NBEA: variants seen among roughly 807,000 people sequenced by gnomAD.
NBEA encodes neurobeachin, also known as lysosomal-trafficking regulator 2.
A neutral mutation model predicts 343.4 loss-of-function variants in NBEA; 44 were observed. The observed-to-expected ratio is 0.13, with a 90% CI of 0.10 to 0.16. NBEA has a LOEUF of 0.16. NBEA is among the 10% of genes least tolerant of loss of function. The pLI is 1.00. For missense variants in NBEA, 2,555 were observed against 3,631.3 expected, an observed-to-expected ratio of 0.70 and a Z score of 7.62; for synonymous variants, 1,175 against 1,238.7, an observed-to-expected ratio of 0.95 and a Z score of 1.08.
chr13:35,574,396 C>CA (rs2080618880), intron 45 of NBEA, among the ~76,000 whole-genome samples: 1 of 135,134 alleles, frequency 7.4e-6, no homozygotes, highest in African/African-American at 2.8e-5. Flanking sequence ...AAAAGAAAAA[C>CA]AAAAGAAAAA....
At position 35,312,868 on chromosome 13, in the gene NBEA, A is replaced by C. The variant is rs376118567; in HGVS notation, c.5903+3276A>C. 1.2e-4 allele frequency among the ~76,000 whole-genome samples: 18 copies of C among 152,262 alleles called. No homozygotes were observed. The East Asian group carries it at 2.5e-3, about 21-fold the overall frequency. ...TACAGAAAGCGAGGTTTGAGTTGAG[A>C]GTTTTTCACTTTTGGGTTACACTGA... On this transcript the variant is annotated intron_variant, in intron 36 of 58. Coordinates refer to ENST00000379939, the MANE Select transcript of NBEA (RefSeq NM_001385012.1).
chr13:35,218,891 A>G (rs577534936), intron 33 of NBEA, among the ~76,000 whole-genome samples: 32 of 152,124 alleles, frequency 2.1e-4, no homozygotes, highest in African/African-American at 7.0e-4. Flanking sequence ...GAAAGCTTCT[A>G]TAAGATTATT....
chr13:35,475,973 G>C (rs769449621), intron 41 of NBEA: 2 of 1,614,214 alleles, frequency 1.2e-6, no homozygotes, highest in Non-Finnish European at 1.7e-6. Flanking sequence ...ATCTCGTTGA[G>C]AGAGCTGATG....
At chr13:35,653,284 T>G (rs1370060728) in intron 53 of NBEA, among the ~76,000 whole-genome samples, 2 of 150,940 alleles carry the variant, frequency 1.3e-5, no homozygotes, top group Non-Finnish European at 2.9e-5. Context: ...CTACGAAAAA[T>G]TATTAAGCTA....
chr13:35,057,548 C>T (rs1240052380), intron 7 of NBEA, among the ~76,000 whole-genome samples: 1 of 152,134 alleles, frequency 6.6e-6, no homozygotes, highest in East Asian at 1.9e-4. Context: ...GAAAACGTTA[C>T]TTTTCTCTGC....
intron 47 of NBEA, 67 bp from the exon 48 acceptor site, chr13:35,606,359 A>T: frequency 1.2e-6 from 1 of 848,794 alleles, no homozygotes; most frequent in Non-Finnish European, 1.6e-6. Flanking sequence ...ATAAGTTATA[A>T]GTTAATAGTT....
intron 38 of NBEA, among the ~76,000 whole-genome samples, chr13:35,417,326 T>C (rs932243672): frequency 2.0e-5 from 3 of 152,162 alleles, no homozygotes; most frequent in Non-Finnish European, 2.9e-5. Context: ...AATTGTGTTG[T>C]TAGGGTGTCA....
In NBEA at chr13:35,417,020, G is replaced by C. The variant is rs961165415; in HGVS notation, c.6180-15249G>C. Among the ~76,000 whole-genome samples the C allele has an allele frequency of 2.6e-5, 4 of 152,138 alleles. No individual in the cohort carries two copies. The East Asian group carries it at 5.8e-4, about 22-fold the overall frequency. ...TTCTTCTAGATTTTCTAGTTTATTT[G>C]TGTAGAGGTGTTTACAGTATTCTCT... is the stretch of plus-strand genomic sequence containing the variant. On this transcript the variant is annotated intron_variant, in intron 38 of 58. Transcript: ENST00000379939.
At chr13:35,523,910 T>G (rs572681073) in intron 41 of NBEA, among the ~76,000 whole-genome samples, 1 of 152,314 alleles carries the variant, frequency 6.6e-6, no homozygotes, top group Admixed American at 6.5e-5. Flanking sequence ...TTTTTAAGAT[T>G]TAAATTGAAT....
At chr13:34,991,866 C>T (rs1011800903) in intron 1 of NBEA, among the ~76,000 whole-genome samples, 4 of 151,686 alleles carry the variant, frequency 2.6e-5, no homozygotes, top group African/African-American at 9.7e-5. Context: ...TAAGTTTCTT[C>T]TTTTAAATTT....
At chr13:35,217,692 A>T (rs2074140281) in intron 33 of NBEA, among the ~76,000 whole-genome samples, 1 of 151,956 alleles carries the variant, frequency 6.6e-6, no homozygotes, top group South Asian at 2.1e-4. Context: ...CTCTTCTTGG[A>T]TTGCTTTTGC....
chr13:35,642,839 T>C (rs1593449709), intron 49 of NBEA, among the ~76,000 whole-genome samples: 1 of 151,880 alleles, frequency 6.6e-6, no homozygotes, highest in South Asian at 2.1e-4. Context: ...GTGTGTGACT[T>C]TGGGCTGAAT....
intron 35 of NBEA, among the ~76,000 whole-genome samples, chr13:35,309,236 G>C (rs1431025962): frequency 1.3e-5 from 2 of 151,998 alleles, no homozygotes; most frequent in Admixed American, 1.3e-4. Context: ...GTCATTTGCT[G>C]TCTTTTGGAA....
At chr13:35,250,893 C>T (rs1375019585) in intron 34 of NBEA, among the ~76,000 whole-genome samples, 1 of 152,172 alleles carries the variant, frequency 6.6e-6, no homozygotes, top group Non-Finnish European at 1.5e-5. Flanking sequence ...TTTAGGGACA[C>T]ATTCATAAGT....
At chr13:35,647,809 C>T (rs2084308322) in intron 51 of NBEA, among the ~76,000 whole-genome samples, 1 of 152,218 alleles carries the variant, frequency 6.6e-6, no homozygotes, top group Non-Finnish European at 1.5e-5. Flanking sequence ...TCGTGATCTG[C>T]CTGCCTCAGC....
At chr13:34,996,300 TAG>T (rs1491200160) in intron 1 of NBEA, among the ~76,000 whole-genome samples, 3 of 152,308 alleles carry the variant, frequency 2.0e-5, no homozygotes, top group South Asian at 2.1e-4. Context: ...AAACTGTTGA[TAG>T]AGTCTTTATT....
At chr13:35,648,709 TA>T (rs1165138671) in intron 51 of NBEA, among the ~76,000 whole-genome samples, 1 of 152,214 alleles carries the variant, frequency 6.6e-6, no homozygotes, top group Non-Finnish European at 1.5e-5. Context: ...TTTATGTTTT[TA>T]ATATGGTGGT....
At chr13:35,451,176 T>C (rs936393482) in intron 39 of NBEA, among the ~76,000 whole-genome samples, 1 of 152,174 alleles carries the variant, frequency 6.6e-6, no homozygotes, top group Admixed American at 6.5e-5. Context: ...CAGGCTGGAG[T>C]GCAGTGGCGC....
intron 40 of NBEA, among the ~76,000 whole-genome samples, chr13:35,469,672 T>A (rs1465200809): frequency 6.6e-6 from 1 of 152,180 alleles, no homozygotes; most frequent in African/African-American, 2.4e-5. Flanking sequence ...GCTATAGTAG[T>A]GATTGGGATG....
Sources: gnomAD v4.1 joint callset for allele counts (sites outside exome capture counted in the v4.1 genomes callset) on GRCh38, gnomAD v4.1.1 for gene constraint, MANE v1.5 for transcripts, NCBI Gene and HGNC (gene_info 2026-07-23, HGNC 2026-07-21) for gene names.